The following ARRDC5 variants were observed in gnomAD, a reference collection of about 807,000 sequenced individuals.
The protein encoded by ARRDC5 is arrestin domain-containing protein 5.
ARRDC5 carries 12 observed loss-of-function variants against 13.3 expected under a neutral mutation model. That is an observed-to-expected ratio of 0.90 (90% CI 0.58 to 1.46). ARRDC5 has a LOEUF of 1.46. Ranked by LOEUF, ARRDC5 falls within the 40% of genes most tolerant of loss-of-function variation. The pLI is 0.00. For missense variants in ARRDC5, 406 were observed against 418.7 expected (o/e 0.97, Z 0.26); for synonymous variants, 181 against 173.4 (o/e 1.04, Z -0.34).
chr19:4,902,739 T>G lies in ARRDC5; in HGVS notation c.87A>C (p.Leu29Phe). Residue 29 changes from leucine to phenylalanine, a missense_variant, in exon 1 of 3, where the codon TTA (leucine) becomes TTC (phenylalanine). Transcript: ENST00000650722. ...GGTCCACCAGGGTGCTGTTCAGGGTTAAGATCACCTGCCCTTTTATGCTGG... is the reference window on the plus strand; with the variant it reads ...GGTCCACCAGGGTGCTGTTCAGGGTGAAGATCACCTGCCCTTTTATGCTGG... ...AGSSIKGQVILTLNSTLVDPI... is the reference protein window; with the variant it reads ...AGSSIKGQVIFTLNSTLVDPI... The G allele has an allele frequency of 6.2e-7, 1 of 1,614,014 alleles. No homozygotes were observed. Among genetic ancestry groups the G allele is most frequent in the Non-Finnish European group, 8.5e-7 (1 of 1,179,894 alleles).
the ARRDC5 span, among the ~76,000 whole-genome samples, chr19:4,913,801 C>T: frequency 1.4e-5 from 2 of 145,370 alleles, no homozygotes; most frequent in African/African-American, 5.2e-5. Flanking sequence ...GTTTCCCATG[C>T]AGTAGCTTTT....
chr19:4,909,435 C>G, the ARRDC5 span: 4 of 652,708 alleles, frequency 6.1e-6, no homozygotes, highest in Non-Finnish European at 8.3e-6. Context: ...GGCAGGCGCC[C>G]GCCCCCGGCA....
Position 4,901,545 on chromosome 19 carries a change from C to T in ARRDC5, c.253+1028G>A, listed in dbSNP as rs555881121. 3.3e-5 allele frequency among the ~76,000 whole-genome samples: 5 copies of T among 150,678 alleles called. No homozygotes were observed. In the South Asian group the frequency reaches 6.3e-4, roughly 19 times the overall value. On this transcript the variant is annotated intron_variant, in intron 1 of 2. Transcript: ENST00000650722. The stretch of plus-strand genomic sequence containing the variant: ...AGGAGAATCGTTTGAACCCGGGAGG[C>T]GGAGCTTGCAGCGAGCCGAGATGGT...
At chr19:4,896,595 C>A in intron 2 of ARRDC5, 76 bp downstream of exon 2, 1 of 1,141,082 alleles carries the variant, frequency 8.8e-7, no homozygotes, top group East Asian at 2.4e-5. Context: ...CTTCTCTGTC[C>A]CCTGCCTGCC....
At chr19:4,906,493 C>T (rs1437051246), upstream of ARRDC5, among the ~76,000 whole-genome samples, 1 of 152,144 alleles carries the variant, frequency 6.6e-6, no homozygotes, top group Non-Finnish European at 1.5e-5. Flanking sequence ...GTGGCTCATG[C>T]CTGTAATCCC....
At chr19:4,909,711 G>T in the ARRDC5 span, 1 of 502,502 alleles carries the variant, frequency 2.0e-6, no homozygotes, top group South Asian at 2.8e-5. Flanking sequence ...CGGGGCTCGG[G>T]AACTTTGCAA....
At chr19:4,913,113 C>T in the ARRDC5 span, among the ~76,000 whole-genome samples, 3 of 152,088 alleles carry the variant, frequency 2.0e-5, no homozygotes, top group African/African-American at 7.2e-5. Flanking sequence ...TGACAAATGT[C>T]TACATCCATG....
intron 1 of ARRDC5, among the ~76,000 whole-genome samples, chr19:4,901,233 C>T (rs934750091): frequency 1.3e-5 from 2 of 152,050 alleles, no homozygotes; most frequent in Non-Finnish European, 2.9e-5. Flanking sequence ...GTGAGAGGAT[C>T]GCTTATGCCA....
At chr19:4,905,506 A>ATTATTTATTTAT (rs530528534), upstream of ARRDC5, among the ~76,000 whole-genome samples, 1 of 149,446 alleles carries the variant, frequency 6.7e-6, no homozygotes, top group Admixed American at 6.7e-5. Flanking sequence ...AGTGTATTTT[A>ATTATTTATTTAT]TTATTTATTT....
chr19:4,894,702 G>A, intron 2 of ARRDC5, among the ~76,000 whole-genome samples: 1 of 119,684 alleles, frequency 8.4e-6, no homozygotes, highest in African/African-American at 3.0e-5. Context: ...AAAAGAAGAA[G>A]AAGGAGAAGG....
At chr19:4,911,322 G>T in the ARRDC5 span, among the ~76,000 whole-genome samples, 1 of 152,154 alleles carries the variant, frequency 6.6e-6, no homozygotes. Context: ...CAAAATAATG[G>T]CTAGAGAAAG....
At chr19:4,897,943 C>T (rs571366301) in intron 1 of ARRDC5, among the ~76,000 whole-genome samples, 13 of 152,208 alleles carry the variant, frequency 8.5e-5, no homozygotes, top group East Asian at 7.7e-4. Flanking sequence ...AAAAATTAGC[C>T]GGGTGTGGTG....
chr19:4,904,190 T>G (rs746592747), upstream of ARRDC5, among the ~76,000 whole-genome samples: 1 of 148,812 alleles, frequency 6.7e-6, no homozygotes, highest in Non-Finnish European at 1.5e-5. Context: ...TTTTTGTTTT[T>G]TTTTTGAGAT....
At position 4,895,317 on chromosome 19, in the gene ARRDC5, GGA is replaced by G. The variant is rs2031671706; in HGVS notation, c.459+1352_459+1353del. 6.0e-5 allele frequency among the ~76,000 whole-genome samples: 9 copies of G among 151,052 alleles called. No individual in the cohort carries two copies. In the Admixed American group the frequency reaches 6.0e-4, roughly 10 times the overall value. On this transcript the variant is annotated intron_variant, in intron 2 of 2. Transcript: ENST00000650722. Reference sequence around the variant, plus strand: ...GGGTACTTCTCATCCCAGCTACTCGGGAGGATGAGGCAGGAGAGTCACTTGAA... The same window carrying G: ...GGGTACTTCTCATCCCAGCTACTCGGGGATGAGGCAGGAGAGTCACTTGAA...
At chr19:4,897,841 C>A (rs1599216891) in intron 1 of ARRDC5, among the ~76,000 whole-genome samples, 2 of 152,380 alleles carry the variant, frequency 1.3e-5, no homozygotes, top group East Asian at 3.9e-4. Context: ...AATCCCAGCA[C>A]TTTGGGAGGC....
At chr19:4,912,808 G>C in the ARRDC5 span, among the ~76,000 whole-genome samples, 33 of 152,248 alleles carry the variant, frequency 2.2e-4, 1 homozygote, top group Non-Finnish European at 1.0e-4. Flanking sequence ...TGCCCAGGCT[G>C]TGTTGCAGTG....
At position 4,896,848 on chromosome 19, in the gene ARRDC5, G is replaced by A. The variant is rs969819170; in HGVS notation, c.282C>T (p.Thr94=). The change falls in exon 2 of 3, where the codon ACC becomes ACT. Residue 94 remains threonine (T), a synonymous_variant. Transcript: ENST00000650722. ...GAGGTAAGTTGAAATGGAAGTCAAAGGTGTGGCTGCCTGCACTTAACCAAT... is the reference window on the plus strand; with the variant it reads ...GAGGTAAGTTGAAATGGAAGTCAAAAGTGTGGCTGCCTGCACTTAACCAAT... ...EDNWLSAGSH[T]FDFHFNLPPR... 2 of 1,613,816 alleles carry A rather than the reference G, an allele frequency of 1.2e-6. No individual in the cohort carries two copies. The highest frequency in any genetic ancestry group is 2.7e-5 in the African/African-American group (2 of 75,034).
chr19:4,909,549 G>A, the ARRDC5 span: 3 of 659,566 alleles, frequency 4.5e-6, no homozygotes, highest in Non-Finnish European at 8.2e-6. Flanking sequence ...GGGCGCTCCG[G>A]GTCGCACGCA....
intron 1 of ARRDC5, among the ~76,000 whole-genome samples, chr19:4,898,926 C>T (rs2031821776): frequency 6.6e-6 from 1 of 151,892 alleles, no homozygotes. Flanking sequence ...GTGCCCGGCC[C>T]AGGCTGTGTT....
Sources: gnomAD v4.1 joint callset for allele counts (sites outside exome capture counted in the v4.1 genomes callset) on GRCh38, gnomAD v4.1.1 for gene constraint, MANE v1.5 for transcripts, NCBI Gene and HGNC (gene_info 2026-07-23, HGNC 2026-07-21) for gene names.